The following AK5 variants were observed in gnomAD, a reference collection of about 807,000 sequenced individuals.
AK5 encodes adenylate kinase isoenzyme 5.
A neutral mutation model predicts 69.5 loss-of-function variants in AK5; 27 were observed. The ratio of observed to expected loss-of-function variants is 0.39; its 90% CI spans 0.29 to 0.54. The LOEUF is 0.54. Ranked by LOEUF, AK5 falls within the 20% of genes least tolerant of loss-of-function variation. The pLI is 0.71. For missense variants in AK5, 531 were observed against 700.4 expected, an observed-to-expected ratio of 0.76 and a Z score of 2.73; for synonymous variants, 260 against 244.4, an observed-to-expected ratio of 1.06 and a Z score of -0.60.
At chr1:77,328,054 A>G (rs1469863203) in intron 5 of AK5, among the ~76,000 whole-genome samples, 5 of 152,238 alleles carry the variant, frequency 3.3e-5, no homozygotes, top group Admixed American at 2.6e-4. Context: ...TCATAATAGG[A>G]TCCTAGTAAA....
At chr1:77,316,233 G>A (rs1008070321) in intron 5 of AK5, among the ~76,000 whole-genome samples, 1 of 152,076 alleles carries the variant, frequency 6.6e-6, no homozygotes, top group African/African-American at 2.4e-5. Flanking sequence ...TGTGGCCCTG[G>A]AGCAAACACA....
chr1:77,540,287 G>A (rs1244201251), intron 13 of AK5, among the ~76,000 whole-genome samples: 1 of 152,252 alleles, frequency 6.6e-6, no homozygotes, highest in Non-Finnish European at 1.5e-5. Context: ...ATGTGATACA[G>A]GTGTATCCCT....
chr1:77,459,521 T>C (rs1185394626), intron 8 of AK5, among the ~76,000 whole-genome samples: 1 of 152,200 alleles, frequency 6.6e-6, no homozygotes, highest in Non-Finnish European at 1.5e-5. Context: ...GAGAATCATC[T>C]AGAACACTGA....
intron 5 of AK5, among the ~76,000 whole-genome samples, chr1:77,304,098 ATTCT>A (rs1429705139): frequency 6.6e-6 from 1 of 151,998 alleles, no homozygotes; most frequent in Non-Finnish European, 1.5e-5. Context: ...GGTCTTATTC[ATTCT>A]TTCTAACATT....
In AK5 at chr1:77,388,567, TTTGTTG is replaced by T. The variant is rs3032910; in HGVS notation, c.892-22396_892-22391del. On this transcript the variant is annotated intron_variant, in intron 6 of 13. Coordinates refer to ENST00000354567, the MANE Select transcript of AK5 (RefSeq NM_174858.3). ...AGAACCTGGTCGTTCTTTTGGTTGT[TTTGTTG>T]TTGTTGTTGTTGTTGTTTTTGCATT... Among the ~76,000 whole-genome samples, 19 of 151,192 alleles carry T rather than the reference TTTGTTG, an allele frequency of 1.3e-4. No individual in the cohort carries two copies. The East Asian group carries it at 3.5e-3, about 28-fold the overall frequency.
chr1:77,295,331 C>T (rs532914038), intron 3 of AK5, among the ~76,000 whole-genome samples: 1 of 152,220 alleles, frequency 6.6e-6, no homozygotes, highest in South Asian at 2.1e-4. Flanking sequence ...AGAATTTAAG[C>T]TCACCAGACT....
rs375751725 is a variant in AK5, at chr1:77,472,172, A to G, written c.1060-11145A>G. On this transcript the variant is annotated intron_variant, in intron 8 of 13. Transcript: ENST00000354567. ...ATTGTCATAAACAATTAAAAATGTT[A>G]TTTTCTTCCTTACCCACATTTTAAA... 2.0e-5 allele frequency among the ~76,000 whole-genome samples: 3 copies of G among 152,296 alleles called. No individual in the cohort carries two copies. The South Asian group carries it at 6.2e-4, about 32-fold the overall frequency.
At chr1:77,315,638 T>C (rs74090455) in intron 5 of AK5, among the ~76,000 whole-genome samples, 1,864 of 152,190 alleles carry the variant, frequency 0.012, 53 homozygotes, top group African/African-American at 0.042. Context: ...TTGATTTTAT[T>C]TGTTGTTTTG....
chr1:77,411,081 T>C lies in AK5; in HGVS notation c.982+10T>C, dbSNP rs375588325. On this transcript the variant is annotated intron_variant, in intron 7 of 13. Transcript: ENST00000354567. ...AAAGAGGCTGCAGCAGGTAAGTCAC[T>C]GTGTCCTTTAGACAACAGTACGCCG... is the stretch of plus-strand genomic sequence containing the variant. The C allele has an allele frequency of 4.2e-5, 67 of 1,611,386 alleles. No individual in the cohort carries two copies. The highest frequency in any genetic ancestry group is 5.6e-5 in the Non-Finnish European group (66 of 1,178,772).
At chr1:77,299,580 G>T (rs577587877) in intron 5 of AK5, among the ~76,000 whole-genome samples, 1 of 152,214 alleles carries the variant, frequency 6.6e-6, no homozygotes, top group South Asian at 2.1e-4. Flanking sequence ...CTGGTGCTCA[G>T]TCAGCTTAAA....
At chr1:77,392,225 A>T (rs1157615186) in intron 6 of AK5, among the ~76,000 whole-genome samples, 1 of 152,236 alleles carries the variant, frequency 6.6e-6, no homozygotes, top group South Asian at 2.1e-4. Context: ...TGAGATTAAA[A>T]TGGATGTTAA....
intron 8 of AK5, among the ~76,000 whole-genome samples, chr1:77,476,702 G>A (rs568143646): frequency 1.1e-4 from 17 of 152,258 alleles, no homozygotes; most frequent in African/African-American, 3.9e-4. Flanking sequence ...ACCCACCAGG[G>A]CATCCTGCAC....
At chr1:77,291,874 T>C (rs1658706692) in intron 2 of AK5, among the ~76,000 whole-genome samples, 1 of 152,196 alleles carries the variant, frequency 6.6e-6, no homozygotes, top group African/African-American at 2.4e-5. Context: ...TCCCTGAGAC[T>C]CACTAGGAGG....
intron 8 of AK5, among the ~76,000 whole-genome samples, chr1:77,470,030 A>G (rs1654366819): frequency 6.6e-6 from 1 of 152,228 alleles, no homozygotes; most frequent in Non-Finnish European, 1.5e-5. Flanking sequence ...AATGTTTTGT[A>G]ACTTCCAATA....
At chr1:77,322,583 G>C (rs765954716) in intron 5 of AK5, among the ~76,000 whole-genome samples, 1 of 152,088 alleles carries the variant, frequency 6.6e-6, no homozygotes, top group Non-Finnish European at 1.5e-5. Context: ...CTTTAAAAAC[G>C]GTCTTTGAAC....
At chr1:77,312,414 A>G (rs1224209239) in intron 5 of AK5, among the ~76,000 whole-genome samples, 1 of 152,132 alleles carries the variant, frequency 6.6e-6, no homozygotes, top group Non-Finnish European at 1.5e-5. Context: ...CAGGAGTTCA[A>G]GACCAGGCTG....
intron 12 of AK5, among the ~76,000 whole-genome samples, chr1:77,527,304 G>A (rs986734041): frequency 1.3e-5 from 2 of 152,096 alleles, no homozygotes; most frequent in East Asian, 3.9e-4. Context: ...CCCAGTTAGG[G>A]TGAGCTCAGA....
chr1:77,298,098 T>A (rs1333087177), intron 5 of AK5, 151 bp downstream of exon 5: 1 of 442,442 alleles, frequency 2.3e-6, no homozygotes, highest in African/African-American at 2.0e-5. Context: ...TGGCAGAAGG[T>A]CATTTCTTTG....
chr1:77,359,321 T>G (rs1223854449), intron 6 of AK5, among the ~76,000 whole-genome samples: 1 of 152,040 alleles, frequency 6.6e-6, no homozygotes, highest in South Asian at 2.1e-4. Flanking sequence ...TAGAAAAAAT[T>G]AAAACTATTT....
Sources: gnomAD v4.1 joint callset for allele counts (sites outside exome capture counted in the v4.1 genomes callset) on GRCh38, gnomAD v4.1.1 for gene constraint, MANE v1.5 for transcripts, NCBI Gene and HGNC (gene_info 2026-07-23, HGNC 2026-07-21) for gene names.